Variants in SLFN11 observed in about 807,000 individuals in gnomAD.
SLFN11 encodes the protein schlafen family member 11.
Under a neutral mutation model 53.4 loss-of-function variants are expected in SLFN11, and 43 were observed. The ratio of observed to expected loss-of-function variants is 0.80; its 90% CI spans 0.63 to 1.04. The LOEUF is 1.04. Ranked by LOEUF, SLFN11 falls within the 50% of genes least tolerant of loss-of-function variation. SLFN11 has a pLI of 0.00. For synonymous variants in SLFN11, 389 were observed against 394.7 expected (o/e 0.99, Z 0.17); for missense variants, 990 against 1,079.1 (o/e 0.92, Z 1.16).
intron 3 of SLFN11, among the ~76,000 whole-genome samples, chr17:35,364,588 C>T (rs1436116050): frequency 6.6e-6 from 1 of 152,098 alleles, no homozygotes; most frequent in African/African-American, 2.4e-5. Flanking sequence ...AAACCAGAGG[C>T]TAAGGTCTTA....
intron 1 of SLFN11, among the ~76,000 whole-genome samples, chr17:35,372,837 G>T (rs1909863126): frequency 6.6e-6 from 1 of 152,002 alleles, no homozygotes. Context: ...CGACAGATGT[G>T]CCCTCTTGGA....
At position 35,352,864 on chromosome 17, in the gene SLFN11, T is replaced by C. The variant is rs777298355; in HGVS notation, c.2198A>G (p.Asn733Ser). 5 of 1,614,222 alleles carry C rather than the reference T, an allele frequency of 3.1e-6. No individual in the cohort carries two copies. The highest frequency in any genetic ancestry group is 4.2e-6 in the Non-Finnish European group (5 of 1,180,042). ...TAAGTACTTGGCTATTGGATCTGCA[T>C]TGCGAACTATTCTGGTGAGCTCTTC... ...PREELTRIVRNADPIAKYLQK... is the reference protein window; with the variant it reads ...PREELTRIVRSADPIAKYLQK... The change falls in exon 7 of 7, where the codon AAT (asparagine) becomes AGT (serine). Residue 733 changes from asparagine to serine, a missense_variant. Around this residue, in one of 3 missense-constraint regions of SLFN11, gnomAD observed 313 missense variants for 320.9 expected, o/e 0.98. Coordinates refer to ENST00000685675, the MANE Select transcript of SLFN11 (RefSeq NM_001376007.1).
intron 4 of SLFN11, among the ~76,000 whole-genome samples, chr17:35,360,827 G>A (rs894848556): frequency 2.0e-5 from 3 of 152,034 alleles, no homozygotes; most frequent in African/African-American, 4.8e-5. Context: ...CTTAGGGCTT[G>A]GGCACAGTAG....
chr17:35,353,527 G>C lies in SLFN11; in HGVS notation c.1731C>G (p.Leu577=). 5 of 1,448,122 alleles carry C rather than the reference G, an allele frequency of 3.5e-6. No individual in the cohort carries two copies. Among genetic ancestry groups the C allele is most frequent in the Non-Finnish European group, 4.6e-6 (5 of 1,077,306 alleles). The allele number at this position is 1,448,122 out of a possible 1,614,324, so 89.7% of individuals were successfully genotyped here. Residue 577 remains leucine (L), a synonymous_variant, in exon 6 of 7, where the codon CTC becomes CTG. Coordinates refer to ENST00000685675, the MANE Select transcript of SLFN11 (RefSeq NM_001376007.1). ...DQLGCEVLNL[L]TAQQYEIFSR... The stretch of plus-strand genomic sequence containing the variant: ...AGAATATCTCATACTGCTGGGCTGT[G>C]AGCAGATTTAAAACCTCACAGCCGA...
intron 4 of SLFN11, among the ~76,000 whole-genome samples, chr17:35,361,211 T>C (rs1000370390): frequency 1.8e-4 from 27 of 152,038 alleles, no homozygotes; most frequent in African/African-American, 6.0e-4. Flanking sequence ...AATTATAGCA[T>C]GATGGGGTAA....
chr17:35,362,595 T>C, intron 4 of SLFN11, 144 bp downstream of exon 4: 1 of 637,908 alleles, frequency 1.6e-6, no homozygotes, highest in Middle Eastern at 4.7e-4. Flanking sequence ...TTCTCATGTA[T>C]GAAAAGTAGA....
chr17:35,357,163 T>TGA (rs1265037528), intron 5 of SLFN11, among the ~76,000 whole-genome samples: 6 of 151,442 alleles, frequency 4.0e-5, no homozygotes, highest in African/African-American at 1.5e-4. Flanking sequence ...TGTGTGTGTG[T>TGA]GTGTGTGTGT....
chr17:35,363,172 T>C lies in SLFN11; in HGVS notation c.636A>G (p.Leu212=). The C allele has an allele frequency of 6.2e-7, 1 of 1,614,036 alleles. No homozygotes were observed. The highest frequency in any genetic ancestry group is 1.1e-5 in the South Asian group (1 of 91,080). ...GEILPFPESQ[L]VEFKQFSTKH... is the part of the protein sequence containing the mutation. ...TTGTAGAGAACTGTTTAAACTCTAC[T>C]AACTGAGACTCAGGAAAAGGCAGGA... The change falls in exon 4 of 7, where the codon TTA becomes TTG. Residue 212 remains leucine, a synonymous_variant. Transcript: ENST00000685675.
Position 35,363,006 on chromosome 17 carries a change from C to T in SLFN11, c.802G>A (p.Asp268Asn), listed in dbSNP as rs1908440794. ...TGTTCTATTTTCCTTCTCAAAGAGTCAGGGTCAACATTTTCTTTTGCACAT... is the reference window on the plus strand; with the variant it reads ...TGTTCTATTTTCCTTCTCAAAGAGTTAGGGTCAACATTTTCTTTTGCACAT... ...LGCAKENVDP[D>N]SLRRKIEQAI... The change falls in exon 4 of 7, where the codon GAC becomes AAC. Residue 268 changes from aspartate to asparagine, a missense_variant. By Grantham distance (23) the Asp-to-Asn change is conservative (BLOSUM62 1). Coordinates refer to ENST00000685675, the MANE Select transcript of SLFN11 (RefSeq NM_001376007.1). The T allele has an allele frequency of 6.2e-7, 1 of 1,613,992 alleles. No individual in the cohort carries two copies. The highest frequency in any genetic ancestry group is 8.5e-7 in the Non-Finnish European group (1 of 1,179,970).
intron 4 of SLFN11, among the ~76,000 whole-genome samples, chr17:35,361,089 T>C (rs1200280423): frequency 1.3e-5 from 2 of 152,250 alleles, no homozygotes; most frequent in Middle Eastern, 3.4e-3. Context: ...CAAGTACACA[T>C]CCACTTTACT....
chr17:35,361,775 C>T (rs951293052), intron 4 of SLFN11, among the ~76,000 whole-genome samples: 2 of 151,810 alleles, frequency 1.3e-5, no homozygotes, highest in Non-Finnish European at 2.9e-5. Flanking sequence ...GACAGAGTCT[C>T]GCTCTGTCAC....
intron 3 of SLFN11, 53 bp from the exon 4 acceptor site, chr17:35,363,879 A>T (rs1009108892): frequency 1.4e-6 from 2 of 1,389,952 alleles, no homozygotes; most frequent in African/African-American, 2.9e-5. Context: ...TTAAAAGGGT[A>T]TTTATTTTGT....
intron 1 of SLFN11, 32 bp downstream of exon 1, chr17:35,373,442 G>T (rs1445044951): frequency 6.6e-6 from 1 of 151,654 alleles, no homozygotes; most frequent in Non-Finnish European, 1.5e-5. Flanking sequence ...TGGCTGGGGT[G>T]GGGTGGGAAG....
At chr17:35,366,027 A>C (rs1346645424) in intron 3 of SLFN11, among the ~76,000 whole-genome samples, 1 of 152,152 alleles carries the variant, frequency 6.6e-6, no homozygotes, top group Non-Finnish European at 1.5e-5. Flanking sequence ...TGGGTGGGAC[A>C]TAAATTTTTG....
At chr17:35,359,918 T>C (rs1477145159) in intron 5 of SLFN11, 1 of 233,510 alleles carries the variant, frequency 4.3e-6, no homozygotes, top group Non-Finnish European at 8.3e-6. Flanking sequence ...TCCAATTTGT[T>C]ATGAGTGGAG....
At chr17:35,355,522 G>T (rs922316914) in intron 5 of SLFN11, among the ~76,000 whole-genome samples, 7 of 152,080 alleles carry the variant, frequency 4.6e-5, no homozygotes, top group Non-Finnish European at 8.8e-5. Flanking sequence ...GCCCTGCCCT[G>T]CAAGTCACAG....
Position 35,351,272 on chromosome 17 carries a change from C to G in SLFN11, c.*1084G>C, listed in dbSNP as rs552613717. On this transcript the variant is annotated 3_prime_UTR_variant, in exon 7 of 7. Coordinates refer to ENST00000685675, the MANE Select transcript of SLFN11 (RefSeq NM_001376007.1). Reference sequence around the variant, plus strand: ...GGTCTCTCCCTATAAGGACACCAACCTTAGCAGATCAGAGCCCCACCATGA... The same window carrying G: ...GGTCTCTCCCTATAAGGACACCAACGTTAGCAGATCAGAGCCCCACCATGA... 5.3e-5 allele frequency: 8 copies of G among 152,172 alleles called. No homozygotes were observed. Among genetic ancestry groups the G allele is most frequent in the Non-Finnish European group, 1.0e-4 (7 of 68,046 alleles). 9.4% of individuals were successfully genotyped at this position (152,172 alleles called of 1,614,324 possible).
At chr17:35,369,288 C>T (rs192762517) in intron 1 of SLFN11, among the ~76,000 whole-genome samples, 15 of 152,180 alleles carry the variant, frequency 9.9e-5, no homozygotes, top group Non-Finnish European at 1.8e-4. Context: ...ACTAAAGAGC[C>T]CTTGGGCTTT....
At position 35,351,527 on chromosome 17, in the gene SLFN11, T is replaced by C. The variant is rs1567812836; in HGVS notation, c.*829A>G. The stretch of plus-strand genomic sequence containing the variant: ...AGAACTAAGCTGAGAAGTTAAAACA[T>C]AAACTCATTGATTTTTAAAGACAAT... On this transcript the variant is annotated 3_prime_UTR_variant, in exon 7 of 7. Coordinates refer to ENST00000685675, the MANE Select transcript of SLFN11 (RefSeq NM_001376007.1). 6.6e-6 allele frequency: 1 copy of C among 152,226 alleles called. No individual in the cohort carries two copies. The highest frequency in any genetic ancestry group is 1.5e-5 in the Non-Finnish European group (1 of 68,036). The allele number at this position is 152,226 out of a possible 1,614,324, so 9.4% of individuals were successfully genotyped here. A position where few individuals can be genotyped will look rare whatever the true frequency, so the allele number is the denominator to read the frequency against.
Sources: gnomAD v4.1 joint callset for allele counts (sites outside exome capture counted in the v4.1 genomes callset) on GRCh38, gnomAD v4.1.1 for gene constraint, gnomAD v4.1.1 regional missense constraint, MANE v1.5 for transcripts, NCBI Gene and HGNC (gene_info 2026-07-23, HGNC 2026-07-21) for gene names.